The following DISP1 variants were observed in gnomAD, a reference collection of about 807,000 sequenced individuals.
DISP1 encodes protein dispatched homolog 1.
DISP1 carries 30 observed loss-of-function variants against 37.3 expected under a neutral mutation model. The ratio of observed to expected loss-of-function variants is 0.80; its 90% CI spans 0.60 to 1.09. The LOEUF is 1.09. Among genes scored for constraint, DISP1 ranks in the 50% least tolerant of loss-of-function variants. The pLI, the probability that DISP1 is intolerant of heterozygous loss-of-function variation, is 0.00. For synonymous variants in DISP1, 634 were observed against 690.2 expected, an observed-to-expected ratio of 0.92 and a Z score of 1.28; for missense variants, 1,598 against 1,879.5, an observed-to-expected ratio of 0.85 and a Z score of 2.77.
chr1:222,961,214 T>C (rs1676034711), intron 3 of DISP1, among the ~76,000 whole-genome samples: 1 of 151,872 alleles, frequency 6.6e-6, no homozygotes, highest in South Asian at 2.1e-4. Flanking sequence ...AATGCGAAAA[T>C]CCTCAATAAA....
chr1:222,992,019 G>A lies in DISP1; in HGVS notation c.798G>A (p.Arg266=), dbSNP rs1490268928. 1.2e-6 allele frequency: 2 copies of A among 1,612,390 alleles called. No homozygotes were observed. Among genetic ancestry groups the A allele is most frequent in the Admixed American group, 3.3e-5 (2 of 59,978 alleles). Reference sequence around the variant, plus strand: ...AATTGTCGTTCCATTTCAGCCATCGGGATGATAGATGGTCAGATGATCATT... The same window carrying A: ...AATTGTCGTTCCATTTCAGCCATCGAGATGATAGATGGTCAGATGATCATT... ...KYADEQAKSH[R]DDRWSDDHYE... is the part of the protein sequence containing the mutation. Residue 266 remains arginine (R), a synonymous_variant, in exon 7 of 9, where the codon CGG becomes CGA. Coordinates refer to ENST00000675850, the MANE Select transcript of DISP1 (RefSeq NM_001377229.1).
At chr1:222,920,201 A>G (rs1044160281) in intron 1 of DISP1, among the ~76,000 whole-genome samples, 2 of 152,192 alleles carry the variant, frequency 1.3e-5, no homozygotes, top group African/African-American at 4.8e-5. Context: ...GAGTTTGGGA[A>G]CAAAATACAA....
chr1:222,935,686 G>A (rs956586673), intron 2 of DISP1, among the ~76,000 whole-genome samples: 2 of 140,296 alleles, frequency 1.4e-5, no homozygotes, highest in Admixed American at 7.3e-5. Flanking sequence ...TGTTTGTTAC[G>A]GATAGTGAGG....
intron 2 of DISP1, among the ~76,000 whole-genome samples, chr1:222,938,522 T>G (rs1674135418): frequency 6.6e-6 from 1 of 150,926 alleles, no homozygotes; most frequent in Non-Finnish European, 1.5e-5. Flanking sequence ...TCGCTTGAGC[T>G]CTGGGATTTG....
chr1:222,937,909 T>A (rs1042680616), intron 2 of DISP1, among the ~76,000 whole-genome samples: 1 of 151,340 alleles, frequency 6.6e-6, no homozygotes, highest in African/African-American at 2.4e-5. Context: ...GGTCTCGTTC[T>A]ACCACCCAGG....
intron 3 of DISP1, among the ~76,000 whole-genome samples, chr1:222,954,117 T>C (rs1675429496): frequency 6.6e-6 from 1 of 152,140 alleles, no homozygotes; most frequent in South Asian, 2.1e-4. Flanking sequence ...TTGTAAAATG[T>C]TTGGGAAACA....
At chr1:222,944,618 T>C (rs9651262) in intron 3 of DISP1, among the ~76,000 whole-genome samples, 96,222 of 152,046 alleles carry the variant, frequency 0.63, 31,069 homozygotes, top group African/African-American at 0.75. Context: ...GAAGGTAAGT[T>C]CCTTCATGCC....
intron 3 of DISP1, among the ~76,000 whole-genome samples, chr1:222,952,764 C>T (rs1444585289): frequency 2.0e-5 from 3 of 152,258 alleles, no homozygotes; most frequent in East Asian, 1.9e-4. Flanking sequence ...GCCGGAGAAT[C>T]GCTTGAACCT....
chr1:223,000,311 G>T (rs1002269108), intron 8 of DISP1, among the ~76,000 whole-genome samples: 2 of 152,128 alleles, frequency 1.3e-5, no homozygotes, highest in Non-Finnish European at 2.9e-5. Flanking sequence ...CTGGTAACCT[G>T]CCATGAAAAC....
At chr1:222,831,507 C>T (rs923317980) in intron 1 of DISP1, among the ~76,000 whole-genome samples, 1 of 152,014 alleles carries the variant, frequency 6.6e-6, no homozygotes, top group Non-Finnish European at 1.5e-5. Context: ...CCATAAAGAC[C>T]CTACAGCTTA....
chr1:222,934,039 T>G (rs1673564248), intron 2 of DISP1, among the ~76,000 whole-genome samples: 1 of 152,070 alleles, frequency 6.6e-6, no homozygotes, highest in Non-Finnish European at 1.5e-5. Flanking sequence ...CTGGCGCTCT[T>G]GAATGCTGAA....
chr1:222,879,626 T>A lies in DISP1; in HGVS notation c.-158-48804T>A, dbSNP rs77846166. ...TAAGACAAAACATAAATAAAAAAGA[T>A]GTAAGGCAAGTTAGTAATACTGTAG... On this transcript the variant is annotated intron_variant, in intron 1 of 8. Transcript: ENST00000675850. Among the ~76,000 whole-genome samples, 460 of 152,242 alleles carry A rather than the reference T, an allele frequency of 3.0e-3. 7 individuals carry two copies. The highest frequency in any genetic ancestry group is 0.01 in the African/African-American group (418 of 41,562).
chr1:222,942,273 T>G (rs1286367044), intron 2 of DISP1, among the ~76,000 whole-genome samples: 1 of 152,196 alleles, frequency 6.6e-6, no homozygotes, highest in Non-Finnish European at 1.5e-5. Context: ...ATTCTCAGAC[T>G]TGAATGACTA....
At chr1:222,856,926 A>G (rs1310814470) in intron 1 of DISP1, among the ~76,000 whole-genome samples, 2 of 151,874 alleles carry the variant, frequency 1.3e-5, no homozygotes, top group Non-Finnish European at 2.9e-5. Context: ...CTAGTCCTGA[A>G]CTCCTGACCT....
chr1:222,883,273 G>A (rs1311143977), intron 1 of DISP1, among the ~76,000 whole-genome samples: 3 of 151,974 alleles, frequency 2.0e-5, no homozygotes, highest in Non-Finnish European at 4.4e-5. Flanking sequence ...CACCAACAAT[G>A]TACATATATA....
At chr1:222,818,401 C>G (rs576815852) in intron 1 of DISP1, among the ~76,000 whole-genome samples, 37 of 152,314 alleles carry the variant, frequency 2.4e-4, no homozygotes, top group Middle Eastern at 3.4e-3. Flanking sequence ...CTGGTGGAGC[C>G]TCCCACCTCT....
At chr1:222,887,901 A>G (rs968080679) in intron 1 of DISP1, among the ~76,000 whole-genome samples, 1 of 152,242 alleles carries the variant, frequency 6.6e-6, no homozygotes, top group Non-Finnish European at 1.5e-5. Flanking sequence ...TATAGAGGTC[A>G]CAATAGCAGA....
At chr1:222,954,883 G>A (rs1286373178) in intron 3 of DISP1, among the ~76,000 whole-genome samples, 1 of 151,838 alleles carries the variant, frequency 6.6e-6, no homozygotes, top group Non-Finnish European at 1.5e-5. Flanking sequence ...ATGAACAGGA[G>A]TGCAACTGCC....
chr1:222,823,552 T>C (rs780929037), intron 1 of DISP1, among the ~76,000 whole-genome samples: 4 of 152,070 alleles, frequency 2.6e-5, no homozygotes, highest in Non-Finnish European at 5.9e-5. Context: ...GGATGAGAAA[T>C]TGTAAATGGG....
Sources: gnomAD v4.1 joint callset for allele counts (sites outside exome capture counted in the v4.1 genomes callset) on GRCh38, gnomAD v4.1.1 for gene constraint, MANE v1.5 for transcripts, NCBI Gene and HGNC (gene_info 2026-07-23, HGNC 2026-07-21) for gene names.